SND1: variants seen among roughly 807,000 people sequenced by gnomAD.
SND1 encodes the protein staphylococcal nuclease and tudor domain containing 1, also known as staphylococcal nuclease domain-containing protein 1.
Under a neutral mutation model 121.7 loss-of-function variants are expected in SND1, and 38 were observed. The ratio of observed to expected loss-of-function variants is 0.31; its 90% CI spans 0.24 to 0.41. The LOEUF (loss-of-function observed/expected upper bound fraction) is 0.41, where lower values mean the gene tolerates loss of function less well. SND1 is among the 10% of genes least tolerant of loss of function. The pLI, the probability that SND1 is intolerant of heterozygous loss-of-function variation, is 1.00. For missense variants in SND1, 868 were observed against 1,184.6 expected (o/e 0.73, Z 3.92); for synonymous variants, 401 against 447.4 (o/e 0.90, Z 1.31).
chr7:127,760,839 T>G (rs1797292743), intron 10 of SND1, among the ~76,000 whole-genome samples: 1 of 152,198 alleles, frequency 6.6e-6, no homozygotes, highest in Admixed American at 6.5e-5. Context: ...GAGGCCCTAC[T>G]AAGTGCTGGG....
intron 10 of SND1, among the ~76,000 whole-genome samples, chr7:127,768,431 C>T (rs1360244889): frequency 6.6e-6 from 1 of 152,148 alleles, no homozygotes; most frequent in Non-Finnish European, 1.5e-5. Flanking sequence ...TCATAATTTC[C>T]ATTTATAATT....
At chr7:128,012,402 C>A (rs1803135674) in intron 16 of SND1, among the ~76,000 whole-genome samples, 1 of 152,196 alleles carries the variant, frequency 6.6e-6, no homozygotes, top group Non-Finnish European at 1.5e-5. Context: ...TCTCTGGCTA[C>A]ACCAGGGCAA....
At chr7:127,938,326 A>T (rs539388391) in intron 15 of SND1, among the ~76,000 whole-genome samples, 1 of 152,360 alleles carries the variant, frequency 6.6e-6, no homozygotes, top group South Asian at 2.1e-4. Flanking sequence ...AGTCTTCAAT[A>T]GATAAATTTT....
chr7:127,874,283 T>TA (rs1446647878), intron 12 of SND1, among the ~76,000 whole-genome samples: 3 of 152,196 alleles, frequency 2.0e-5, no homozygotes, highest in Non-Finnish European at 4.4e-5. Flanking sequence ...AACAGTGTGA[T>TA]ATGTTAAAAG....
At chr7:128,078,447 C>T (rs1256611381) in intron 17 of SND1, among the ~76,000 whole-genome samples, 1 of 152,250 alleles carries the variant, frequency 6.6e-6, no homozygotes, top group Non-Finnish European at 1.5e-5. Flanking sequence ...TATGGAGACA[C>T]CTTGCTTCTG....
chr7:127,929,437 G>T, intron 15 of SND1, 108 bp downstream of exon 15: 1 of 1,110,816 alleles, frequency 9.0e-7, no homozygotes, highest in Non-Finnish European at 1.3e-6. Flanking sequence ...CCACCAGCAT[G>T]CTCTTCCTCT....
At chr7:128,018,605 C>T (rs1803279826) in intron 16 of SND1, among the ~76,000 whole-genome samples, 1 of 152,226 alleles carries the variant, frequency 6.6e-6, no homozygotes, top group Non-Finnish European at 1.5e-5. Flanking sequence ...GTCTCACCAT[C>T]CTGAATACGA....
In SND1 at chr7:127,844,213, G is replaced by A. The variant is rs1799016078; in HGVS notation, c.1243-111G>A. 3 of 666,276 alleles carry A rather than the reference G, an allele frequency of 4.5e-6. 1 individual carries two copies. The South Asian group carries it at 1.1e-4, about 24-fold the overall frequency. 41.3% of individuals were successfully genotyped at this position (666,276 alleles called of 1,614,324 possible). A position where few individuals can be genotyped will look rare whatever the true frequency, so the allele number is the denominator to read the frequency against. On this transcript the variant is annotated intron_variant, in intron 11 of 23. Transcript: ENST00000354725. ...ATTGGTTTTAAAAATCTTAGATTCA[G>A]AAAACCAAACTGGAGTGAGCTGATC... is the stretch of plus-strand genomic sequence containing the variant.
At chr7:127,897,021 T>C (rs1277371089) in intron 13 of SND1, among the ~76,000 whole-genome samples, 2 of 152,184 alleles carry the variant, frequency 1.3e-5, no homozygotes, top group Non-Finnish European at 2.9e-5. Flanking sequence ...CAGAATTTTG[T>C]AGCTGATTGT....
At chr7:127,924,564 C>A (rs1800792855) in intron 14 of SND1, among the ~76,000 whole-genome samples, 1 of 152,144 alleles carries the variant, frequency 6.6e-6, no homozygotes, top group Non-Finnish European at 1.5e-5. Context: ...ACATCCTAAA[C>A]CCTGTTCCAG....
chr7:127,705,065 T>A, intron 8 of SND1, 120 bp downstream of exon 8: 1 of 789,020 alleles, frequency 1.3e-6, no homozygotes, highest in Non-Finnish European at 2.2e-6. Flanking sequence ...AGTAAAGGAG[T>A]AGGGCAGTTC....
At chr7:128,020,219 G>A (rs1458007211) in intron 16 of SND1, among the ~76,000 whole-genome samples, 1 of 152,192 alleles carries the variant, frequency 6.6e-6, no homozygotes, top group Non-Finnish European at 1.5e-5. Context: ...TCATGAGTGG[G>A]CACCATCTGT....
At chr7:127,946,366 C>T (rs1301602959) in intron 15 of SND1, among the ~76,000 whole-genome samples, 1 of 152,216 alleles carries the variant, frequency 6.6e-6, no homozygotes, top group Admixed American at 6.5e-5. Context: ...GTTATTACTG[C>T]TCTGGCACTT....
chr7:127,881,790 G>A (rs989818817), intron 12 of SND1, among the ~76,000 whole-genome samples: 1 of 152,028 alleles, frequency 6.6e-6, no homozygotes, highest in African/African-American at 2.4e-5. Flanking sequence ...CGAGTCTGGA[G>A]TGCAGTGATG....
At chr7:127,990,579 G>A (rs1280295799) in intron 15 of SND1, among the ~76,000 whole-genome samples, 1 of 152,212 alleles carries the variant, frequency 6.6e-6, no homozygotes, top group East Asian at 1.9e-4. Flanking sequence ...AGGTGAGGGA[G>A]CCATTTCTGT....
At chr7:127,919,069 A>C (rs1177059304) in intron 14 of SND1, among the ~76,000 whole-genome samples, 2 of 152,250 alleles carry the variant, frequency 1.3e-5, no homozygotes, top group Non-Finnish European at 2.9e-5. Context: ...TAAGGCTTTT[A>C]AAAGACTAAT....
chr7:127,840,933 A>C (rs1367664541), intron 11 of SND1, among the ~76,000 whole-genome samples: 2 of 152,214 alleles, frequency 1.3e-5, no homozygotes, highest in Non-Finnish European at 2.9e-5. Flanking sequence ...GGAAACAATT[A>C]ATTGGCAGGT....
At chr7:127,805,715 C>T (rs574982715) in intron 10 of SND1, among the ~76,000 whole-genome samples, 2 of 152,146 alleles carry the variant, frequency 1.3e-5, no homozygotes, top group East Asian at 1.9e-4. Context: ...TTAAGAGTAG[C>T]GGCTATTTAG....
chr7:127,690,782 T>G (rs1795898903), intron 2 of SND1, among the ~76,000 whole-genome samples: 1 of 152,264 alleles, frequency 6.6e-6, no homozygotes, highest in Non-Finnish European at 1.5e-5. Flanking sequence ...GCTTTCTATT[T>G]CTTTGGAGCA....
Sources: gnomAD v4.1 joint callset for allele counts (sites outside exome capture counted in the v4.1 genomes callset) on GRCh38, gnomAD v4.1.1 for gene constraint, MANE v1.5 for transcripts, NCBI Gene and HGNC (gene_info 2026-07-23, HGNC 2026-07-21) for gene names.